MDN1: variants seen among roughly 807,000 people sequenced by gnomAD.
MDN1 encodes the protein midasin.
A neutral mutation model predicts 669.2 loss-of-function variants in MDN1; 266 were observed. The observed-to-expected ratio is 0.40, with a 90% confidence interval of 0.36 to 0.44. The LOEUF (loss-of-function observed/expected upper bound fraction) is 0.44, where lower values mean the gene tolerates loss of function less well. Ranked by LOEUF, MDN1 falls within the 20% of genes least tolerant of loss-of-function variation. The pLI is 1.00. For synonymous variants in MDN1, 2,385 were observed against 2,457.1 expected (o/e 0.97, Z 0.87); for missense variants, 5,940 against 6,754.0 (o/e 0.88, Z 4.22).
chr6:89,675,927 C>A, intron 77 of MDN1, 175 bp downstream of exon 77: 1 of 598,472 alleles, frequency 1.7e-6, no homozygotes, highest in Non-Finnish European at 2.9e-6. Context: ...TTAAGGTGTT[C>A]TGATTTTGCA....
chr6:89,697,042 T>A (rs558464568), intron 59 of MDN1, among the ~76,000 whole-genome samples: 1 of 152,326 alleles, frequency 6.6e-6, no homozygotes, highest in South Asian at 2.1e-4. Context: ...CTCTGTATAA[T>A]GCCATACAAC....
At chr6:89,755,400 T>C (rs759830521) in intron 20 of MDN1, among the ~76,000 whole-genome samples, 69 of 118,870 alleles carry the variant, frequency 5.8e-4, no homozygotes, top group African/African-American at 1.7e-3. Flanking sequence ...AAAAAAAAAA[T>C]AGAACTCCAA....
At chr6:89,767,017 A>G (rs1817833822) in intron 15 of MDN1, among the ~76,000 whole-genome samples, 1 of 152,064 alleles carries the variant, frequency 6.6e-6, no homozygotes, top group Non-Finnish European at 1.5e-5. Flanking sequence ...TCTGAAGCCC[A>G]TTCCCTATAG....
chr6:89,751,510 G>T lies in MDN1; in HGVS notation c.3148C>A (p.Pro1050Thr), dbSNP rs770217522. The T allele has an allele frequency of 4.0e-5, 65 of 1,613,950 alleles. No homozygotes were observed. Among genetic ancestry groups the T allele is most frequent in the Non-Finnish European group, 5.3e-5 (62 of 1,180,012 alleles). Residue 1050 changes from proline (P) to threonine (T), a missense_variant, in exon 23 of 102, where the codon CCT becomes ACT. Around this residue, in one of 5 missense-constraint regions of MDN1, gnomAD observed 1,203 missense variants for 1,268.9 expected, o/e 0.95. Transcript: ENST00000369393. ...AGAATGTACGTCTCATCTATTGTAG[G>T]CTCCTTGTCTCCCACCGCAATCCAG... ...GYWIAVGDKE[P>T]TIDETYILTS...
Position 89,718,607 on chromosome 6 carries a change from C to T in MDN1, c.6342G>A (p.Trp2114Ter). 6.2e-7 allele frequency: 1 copy of T among 1,614,006 alleles called. No homozygotes were observed. Among genetic ancestry groups the T allele is most frequent in the Non-Finnish European group, 8.5e-7 (1 of 1,179,930 alleles). Reference protein sequence around the residue: ...GFEQVDLIRPWRRLLEKVEGT... With the variant: ...GFEQVDLIRP ...CCTCCACCTTCTCTAGCAGCCTCCT[C>T]CAAGGTCGTATAAGATCAACCTGTA... Residue 2114 changes from tryptophan to a stop codon, truncating the protein, a stop_gained, in exon 43 of 102, where the codon TGG becomes TGA. Transcript: ENST00000369393. LOFTEE classifies it high-confidence loss of function.
Position 89,716,762 on chromosome 6 carries a change from T to G in MDN1, c.6631A>C (p.Thr2211Pro). 1 of 1,613,762 alleles carries G rather than the reference T, an allele frequency of 6.2e-7. No individual in the cohort carries two copies. Among genetic ancestry groups the G allele is most frequent in the Non-Finnish European group, 8.5e-7 (1 of 1,179,862 alleles). Residue 2211 changes from threonine to proline, a missense_variant, in exon 44 of 102, where the codon ACG becomes CCG. This residue lies in a region of MDN1 where 2,292 missense variants were observed against 2,638.3 expected (regional missense o/e 0.87). Coordinates refer to ENST00000369393, the MANE Select transcript of MDN1 (RefSeq NM_014611.3). Reference protein sequence around the residue: ...EEFRSFGVKLTQLASGHSHGT... With the variant: ...EEFRSFGVKLPQLASGHSHGT... ...TGGCTATGGCCACTGGCCAACTGCG[T>G]AAGCTTCACACCAAAGCTTCGGAAC...
chr6:89,807,100 TA>T (rs1768074020), intron 1 of MDN1, among the ~76,000 whole-genome samples: 1 of 152,202 alleles, frequency 6.6e-6, no homozygotes, highest in Non-Finnish European at 1.5e-5. Flanking sequence ...TTTTTTATTT[TA>T]TTTTTTTGGA....
chr6:89,735,838 G>A (rs545051822), intron 33 of MDN1, among the ~76,000 whole-genome samples: 1 of 152,218 alleles, frequency 6.6e-6, no homozygotes, highest in East Asian at 1.9e-4. Context: ...TTGCCAACAT[G>A]GTGAAACCCC....
At chr6:89,757,359 G>T (rs1481653082) in intron 19 of MDN1, among the ~76,000 whole-genome samples, 1 of 152,126 alleles carries the variant, frequency 6.6e-6, no homozygotes, top group Admixed American at 6.6e-5. Context: ...GCGTATACTG[G>T]TATATGTTTT....
At chr6:89,696,659 CAG>C in intron 59 of MDN1, 85 bp from the exon 60 acceptor site, 4 of 1,020,970 alleles carry the variant, frequency 3.9e-6, no homozygotes, top group Non-Finnish European at 1.5e-6. Flanking sequence ...AGGAAAGAAA[CAG>C]ACAGTTCAGG....
At chr6:89,781,295 G>A (rs1452827812) in intron 10 of MDN1, 104 bp downstream of exon 10, 1 of 1,137,984 alleles carries the variant, frequency 8.8e-7, no homozygotes, top group Non-Finnish European at 1.3e-6. Flanking sequence ...AGGTTGGAGT[G>A]AGCCAAAACT....
intron 80 of MDN1, 110 bp downstream of exon 80, chr6:89,673,126 A>G: frequency 2.2e-6 from 2 of 923,874 alleles, no homozygotes; most frequent in Non-Finnish European, 3.3e-6. Flanking sequence ...AACCCTGGAC[A>G]GGTACATGTA....
chr6:89,750,222 A>T lies in MDN1; in HGVS notation c.3406+132T>A, dbSNP rs1816869636. The stretch of plus-strand genomic sequence containing the variant: ...CATCACCCCTTAACTATCTTAGCTC[A>T]GGCATCAAGAAAAGCCGGCTGTTAC... On this transcript the variant is annotated intron_variant, in intron 24 of 101. Coordinates refer to ENST00000369393, the MANE Select transcript of MDN1 (RefSeq NM_014611.3). 2.9e-5 allele frequency: 25 copies of T among 862,160 alleles called. 1 individual carries two copies. The South Asian group carries it at 4.6e-4, about 16-fold the overall frequency. The allele number at this position is 862,160 out of a possible 1,614,324, so 53.4% of individuals were successfully genotyped here.
chr6:89,747,120 A>C (rs1425184074), intron 27 of MDN1, among the ~76,000 whole-genome samples: 1 of 152,214 alleles, frequency 6.6e-6, no homozygotes, highest in African/African-American at 2.4e-5. Context: ...AGCAAAGAGT[A>C]AGAAAACCTT....
chr6:89,690,509 G>A (rs1277064459), intron 64 of MDN1, among the ~76,000 whole-genome samples, 164 bp downstream of exon 64: 1 of 152,152 alleles, frequency 6.6e-6, no homozygotes, highest in Non-Finnish European at 1.5e-5. Context: ...AGTGAGCTAT[G>A]ATTGCGCCAC....
At chr6:89,747,821 G>C (rs866788481) in intron 26 of MDN1, among the ~76,000 whole-genome samples, 1 of 150,736 alleles carries the variant, frequency 6.6e-6, no homozygotes, top group African/African-American at 2.4e-5. Context: ...AACCCGGGAG[G>C]GGGAGCTTGC....
At chr6:89,793,632 C>T (rs1819400012) in intron 5 of MDN1, 130 bp downstream of exon 5, 2 of 660,498 alleles carry the variant, frequency 3.0e-6, no homozygotes, top group South Asian at 6.4e-5. Context: ...TTTTTAACTT[C>T]CAAAAATGAA....
rs61558155 is a variant in MDN1, at chr6:89,809,993, TA to T, written c.103-6440del. 8.5e-3 allele frequency among the ~76,000 whole-genome samples: 450 copies of T among 52,794 alleles called. 2 individuals are homozygous for T. Among genetic ancestry groups the T allele is most frequent in the African/African-American group, 0.016 (208 of 12,740 alleles). The allele number at this position is 52,794 out of a possible 152,430, so 34.6% of individuals were successfully genotyped here. ...GCAACAGAGTGAGACTCCGTTTCAC[TA>T]AAAAAAAAAAAAAAAAAAAAAAAAA... is the stretch of plus-strand genomic sequence containing the variant. On this transcript the variant is annotated intron_variant, in intron 1 of 101. Coordinates refer to ENST00000369393, the MANE Select transcript of MDN1 (RefSeq NM_014611.3).
At chr6:89,751,866 A>C (rs928324907) in intron 22 of MDN1, among the ~76,000 whole-genome samples, 3 of 152,164 alleles carry the variant, frequency 2.0e-5, no homozygotes, top group African/African-American at 7.2e-5. Context: ...ACATATCAAA[A>C]TGCCCACTCC....
Sources: allele counts gnomAD v4.1 joint callset (sites outside exome capture counted in the v4.1 genomes callset), GRCh38; gene constraint gnomAD v4.1.1; regional missense constraint gnomAD v4.1.1; transcripts MANE v1.5; gene names NCBI Gene and HGNC (gene_info 2026-07-23, HGNC 2026-07-21).